XRRA1: variants seen among roughly 807,000 people sequenced by gnomAD.
XRRA1 encodes the protein X-ray radiation resistance-associated protein 1.
In XRRA1, 69 loss-of-function variants were observed where a neutral mutation model predicts 80.2. The ratio of observed to expected loss-of-function variants is 0.86; its 90% CI spans 0.71 to 1.05. The LOEUF (loss-of-function observed/expected upper bound fraction) is 1.05, where lower values mean the gene tolerates loss of function less well. XRRA1 is among the 50% of genes least tolerant of loss of function. The pLI is 0.00. For synonymous variants in XRRA1, 348 were observed against 389.9 expected (o/e 0.89, Z 1.27); for missense variants, 967 against 976.4 (o/e 0.99, Z 0.13).
intron 1 of XRRA1, among the ~76,000 whole-genome samples, chr11:74,945,826 G>A (rs1420012943): frequency 1.3e-5 from 2 of 151,860 alleles, no homozygotes; most frequent in East Asian, 3.9e-4. Context: ...ACAGAGTAAG[G>A]CATATTTTTG....
intron 14 of XRRA1, among the ~76,000 whole-genome samples, chr11:74,850,590 AAG>A (rs1466825228): frequency 6.6e-6 from 1 of 152,224 alleles, no homozygotes; most frequent in Non-Finnish European, 1.5e-5. Flanking sequence ...CTTCAGATGA[AAG>A]AGGGATTTCA....
At chr11:74,864,551 T>C (rs542823821) in intron 10 of XRRA1, among the ~76,000 whole-genome samples, 1 of 152,326 alleles carries the variant, frequency 6.6e-6, no homozygotes, top group East Asian at 1.9e-4. Context: ...TCCACCAAGC[T>C]TGCTCCCCAG....
Position 74,843,304 on chromosome 11 carries a change from T to C in XRRA1, c.2299A>G (p.Met767Val). 3 of 1,602,440 alleles carry C rather than the reference T, an allele frequency of 1.9e-6. No individual in the cohort carries two copies. Among genetic ancestry groups the C allele is most frequent in the Admixed American group, 1.7e-5 (1 of 58,278 alleles). ...CTCTCACTCAGCGCTGGGCAGGCCA[T>C]GGGGAGCGGGGTAGTCCCGAACACT... Reference protein sequence around the residue: ...RTVFGTTPLPMACPALSESQP... With the variant: ...RTVFGTTPLPVACPALSESQP... The change falls in exon 19 of 19, where the codon ATG (methionine) becomes GTG (valine). Residue 767 changes from methionine (M) to valine (V), a missense_variant. Met to Val is a conservative substitution (Grantham distance 21). Coordinates refer to ENST00000684022, the MANE Select transcript of XRRA1 (RefSeq NM_001378157.1).
chr11:74,876,617 T>C (rs1339412510), intron 10 of XRRA1: 1 of 152,126 alleles, frequency 6.6e-6, no homozygotes, highest in African/African-American at 2.4e-5. Flanking sequence ...TACACTGTTC[T>C]TTCAACCCCT....
Position 74,892,554 on chromosome 11 carries a change from T to C in XRRA1, c.1003+13685A>G, listed in dbSNP as rs1156431383. ...GGCAACAAAAGCCAAAATTGACAAA[T>C]GGGATCTAATTAAACTAAAGAGCTT... On this transcript the variant is annotated intron_variant, in intron 10 of 18. Coordinates refer to ENST00000684022, the MANE Select transcript of XRRA1 (RefSeq NM_001378157.1). Among the ~76,000 whole-genome samples, 3 of 151,988 alleles carry C rather than the reference T, an allele frequency of 2.0e-5. No individual in the cohort carries two copies. In the East Asian group the frequency reaches 5.8e-4, roughly 29 times the overall value.
intron 1 of XRRA1, among the ~76,000 whole-genome samples, chr11:74,948,241 GAGT>G (rs1289011009): frequency 6.6e-6 from 1 of 152,074 alleles, no homozygotes; most frequent in Non-Finnish European, 1.5e-5. Context: ...CTCTGTCATG[GAGT>G]AGTAGTTCCA....
chr11:74,910,460 G>T (rs1391006169), intron 8 of XRRA1, among the ~76,000 whole-genome samples: 2 of 152,100 alleles, frequency 1.3e-5, no homozygotes, highest in African/African-American at 4.8e-5. Flanking sequence ...AGTAGTCTAC[G>T]TATAGAATGG....
chr11:74,846,164 A>G (rs2038085480), intron 15 of XRRA1: 1 of 152,144 alleles, frequency 6.6e-6, no homozygotes. Flanking sequence ...GCCTGTGAAC[A>G]GCCATTGCAC....
At chr11:74,930,406 C>T in intron 5 of XRRA1, 34 bp from the exon 6 acceptor site, 1 of 1,347,284 alleles carries the variant, frequency 7.4e-7, no homozygotes, top group Non-Finnish European at 1.0e-6. Flanking sequence ...AAAAAAAAAT[C>T]CACAAGATTA....
intron 2 of XRRA1, among the ~76,000 whole-genome samples, chr11:74,942,089 C>A (rs1410959869): frequency 6.6e-6 from 1 of 151,024 alleles, no homozygotes; most frequent in African/African-American, 2.5e-5. Context: ...ACAGTGAGAC[C>A]CCATATTTAA....
intron 1 of XRRA1, among the ~76,000 whole-genome samples, chr11:74,946,102 C>T (rs927623565): frequency 2.6e-5 from 4 of 152,210 alleles, no homozygotes; most frequent in Non-Finnish European, 5.9e-5. Flanking sequence ...AGCTGGACCA[C>T]AGACGTGTGC....
chr11:74,866,358 A>G (rs147654184), intron 10 of XRRA1, among the ~76,000 whole-genome samples: 1,940 of 152,048 alleles, frequency 0.013, 49 homozygotes, highest in African/African-American at 0.044. Context: ...GGCTCAAGCA[A>G]TCCTCCCACC....
intron 8 of XRRA1, among the ~76,000 whole-genome samples, chr11:74,914,276 G>A (rs1438803026): frequency 1.3e-5 from 2 of 151,740 alleles, no homozygotes; most frequent in African/African-American, 4.8e-5. Flanking sequence ...GTGAGCCACC[G>A]TGCCCATCCC....
At chr11:74,858,873 T>TA (rs1305511475) in intron 12 of XRRA1, among the ~76,000 whole-genome samples, 2 of 152,218 alleles carry the variant, frequency 1.3e-5, no homozygotes, top group Non-Finnish European at 2.9e-5. Context: ...TTATAGGTGA[T>TA]AAGTTGCAAA....
intron 8 of XRRA1, among the ~76,000 whole-genome samples, chr11:74,915,341 A>G (rs924279867): frequency 5.3e-5 from 8 of 152,196 alleles, no homozygotes; most frequent in Non-Finnish European, 1.2e-4. Context: ...CGTGTCTCAT[A>G]TGACTGTTTC....
chr11:74,845,534 TAA>T lies in XRRA1; in HGVS notation c.1729-265_1729-264del, dbSNP rs570689929. On this transcript the variant is annotated intron_variant, in intron 15 of 18. Coordinates refer to ENST00000684022, the MANE Select transcript of XRRA1 (RefSeq NM_001378157.1). ...CTTGGAGGAATGCCTTAGCCTGAGC[TAA>T]GTCTTGAAGAGCCAGGAGAGCCATC... is the stretch of plus-strand genomic sequence containing the variant. 1.7e-3 allele frequency among the ~76,000 whole-genome samples: 265 copies of T among 152,308 alleles called. 2 individuals carry two copies. Among genetic ancestry groups the T allele is most frequent in the African/African-American group, 6.3e-3 (260 of 41,572 alleles).
chr11:74,881,669 A>G (rs2047623381), intron 10 of XRRA1, among the ~76,000 whole-genome samples: 1 of 151,926 alleles, frequency 6.6e-6, no homozygotes, highest in Non-Finnish European at 1.5e-5. Flanking sequence ...GTGGTGACAA[A>G]AATCCCTTCA....
intron 10 of XRRA1, among the ~76,000 whole-genome samples, chr11:74,892,168 C>CCTG (rs1221176529): frequency 3.3e-5 from 5 of 152,276 alleles, no homozygotes; most frequent in African/African-American, 1.2e-4. Context: ...TACAAGGCTA[C>CCTG]AGTAACCAAA....
chr11:74,854,889 AC>A (rs1055613857), intron 12 of XRRA1, among the ~76,000 whole-genome samples: 24 of 151,548 alleles, frequency 1.6e-4, no homozygotes, highest in African/African-American at 5.8e-4. Context: ...CAACAACAAA[AC>A]CCCACAAAAA....
Sources: gnomAD v4.1 joint callset for allele counts (sites outside exome capture counted in the v4.1 genomes callset) on GRCh38, gnomAD v4.1.1 for gene constraint, MANE v1.5 for transcripts, NCBI Gene and HGNC (gene_info 2026-07-23, HGNC 2026-07-21) for gene names.